RIOK3: variants seen among roughly 807,000 people sequenced by gnomAD.
RIOK3 encodes the protein RIO kinase 3.
A neutral mutation model predicts 63.5 loss-of-function variants in RIOK3; 40 were observed. That is an observed-to-expected ratio of 0.63 (90% confidence interval 0.49 to 0.82). The LOEUF (loss-of-function observed/expected upper bound fraction) is 0.82. RIOK3 is among the 40% of genes least tolerant of loss of function. The probability of loss-of-function intolerance (pLI) is 0.00; values close to 1 mark genes in which losing one functional copy is unlikely to be tolerated. For synonymous variants in RIOK3, 193 were observed against 205.0 expected, an observed-to-expected ratio of 0.94 and a Z score of 0.50; for missense variants, 557 against 637.0, an observed-to-expected ratio of 0.87 and a Z score of 1.35.
intron 12 of RIOK3, among the ~76,000 whole-genome samples, chr18:23,480,454 A>T (rs1265825531): frequency 6.6e-6 from 1 of 152,118 alleles, no homozygotes; most frequent in African/African-American, 2.4e-5. Context: ...AACATAGATG[A>T]TTCCAATTGC....
At chr18:23,469,281 A>C (rs2057431352) in intron 7 of RIOK3, among the ~76,000 whole-genome samples, 3 of 126,194 alleles carry the variant, frequency 2.4e-5, no homozygotes, top group Non-Finnish European at 3.3e-5. Flanking sequence ...GCTTTCCACA[A>C]AGCTCTGGTT....
At chr18:23,480,261 C>T (rs745896611) in intron 12 of RIOK3, among the ~76,000 whole-genome samples, 1 of 152,114 alleles carries the variant, frequency 6.6e-6, no homozygotes, top group Non-Finnish European at 1.5e-5. Context: ...CCAGAAATCC[C>T]CAGGATGACT....
chr18:23,479,333 G>A lies in RIOK3; in HGVS notation c.1361G>A (p.Gly454Glu). 6.2e-7 allele frequency: 1 copy of A among 1,610,356 alleles called. No individual in the cohort carries two copies. The highest frequency in any genetic ancestry group is 8.5e-7 in the Non-Finnish European group (1 of 1,176,708). ...CCTTACTAGTTTTTCCAGAAAGGAGGAGTCAAGGAAGCCCTTAGTGAACGA... is the reference window on the plus strand; with the variant it reads ...CCTTACTAGTTTTTCCAGAAAGGAGAAGTCAAGGAAGCCCTTAGTGAACGA... ...RNVSQFFQKG[G>E]VKEALSEREL... Residue 454 changes from glycine to glutamate, a missense_variant, in exon 12 of 13, where the codon GGA becomes GAA. Coordinates refer to ENST00000339486, the MANE Select transcript of RIOK3 (RefSeq NM_003831.5).
Position 23,466,132 on chromosome 18 carries a change from G to A in RIOK3, c.544-1G>A. On this transcript the variant is annotated splice_acceptor_variant, in intron 5 of 12. Coordinates refer to ENST00000339486, the MANE Select transcript of RIOK3 (RefSeq NM_003831.5). LOFTEE classifies it high-confidence loss of function. Reference sequence around the variant, plus strand: ...TAGATGCTAATTCTTCCTTTTGGCAGTTTGCACCTGAGTTTCAGGTAGGAG... The same window carrying A: ...TAGATGCTAATTCTTCCTTTTGGCAATTTGCACCTGAGTTTCAGGTAGGAG... The A allele has an allele frequency of 6.3e-7, 1 of 1,584,384 alleles. No individual in the cohort carries two copies. Among genetic ancestry groups the A allele is most frequent in the African/African-American group, 1.4e-5 (1 of 73,324 alleles).
chr18:23,475,715 A>G (rs2057485946), intron 9 of RIOK3, among the ~76,000 whole-genome samples: 1 of 152,156 alleles, frequency 6.6e-6, no homozygotes, highest in Admixed American at 6.5e-5. Flanking sequence ...AAGTTTGTGA[A>G]AGAATGTTAA....
At chr18:23,465,818 C>T (rs1212079932) in intron 5 of RIOK3, among the ~76,000 whole-genome samples, 2 of 152,154 alleles carry the variant, frequency 1.3e-5, no homozygotes, top group African/African-American at 4.8e-5. Flanking sequence ...TTGGTGTAGC[C>T]TTCACAGTTC....
chr18:23,453,582 G>C, intron 1 of RIOK3, 80 bp downstream of exon 1: 3 of 1,265,578 alleles, frequency 2.4e-6, no homozygotes, highest in Admixed American at 1.7e-5. Flanking sequence ...GGGCGGCTTC[G>C]TGGGCGATTC....
At chr18:23,458,132 T>C (rs1329156886) in intron 1 of RIOK3, among the ~76,000 whole-genome samples, 2 of 151,254 alleles carry the variant, frequency 1.3e-5, no homozygotes, top group African/African-American at 4.9e-5. Context: ...GTCGAACTCC[T>C]GAGCTCAAGC....
chr18:23,465,129 T>TG (rs2057397975), intron 5 of RIOK3, among the ~76,000 whole-genome samples: 1 of 152,170 alleles, frequency 6.6e-6, no homozygotes, highest in South Asian at 2.1e-4. Context: ...CCCAGTATTT[T>TG]GGGATGCCGA....
rs1421899848 is a variant in RIOK3 at position 23,482,937 on chromosome 18, A to C, written c.*1658A>C. ...CATTTTTGAAAGGTTTATGATTCCA[A>C]AATAAAGATTTATATGACTGGTGAT... On this transcript the variant is annotated 3_prime_UTR_variant, in exon 13 of 13. Coordinates refer to ENST00000339486, the MANE Select transcript of RIOK3 (RefSeq NM_003831.5). 6.6e-6 allele frequency: 1 copy of C among 152,102 alleles called. No homozygotes were observed. Among genetic ancestry groups the C allele is most frequent in the Non-Finnish European group, 1.5e-5 (1 of 68,040 alleles). The allele number at this position is 152,102 out of a possible 1,614,324, so 9.4% of individuals were successfully genotyped here. A position where few individuals can be genotyped will look rare whatever the true frequency, so the allele number is the denominator to read the frequency against.
intron 9 of RIOK3, 87 bp from the exon 10 acceptor site, chr18:23,476,919 A>T (rs756795265): frequency 6.4e-5 from 73 of 1,139,016 alleles, no homozygotes; most frequent in Non-Finnish European, 9.0e-5. Flanking sequence ...CTCCAAAAAA[A>T]TAAAAAATAA....
At chr18:23,475,189 G>A in intron 9 of RIOK3, 82 bp downstream of exon 9, 1 of 1,151,750 alleles carries the variant, frequency 8.7e-7, no homozygotes, top group Non-Finnish European at 1.2e-6. Context: ...CCTTAAAGAA[G>A]CCAGGCATGT....
chr18:23,475,331 C>G (rs372592759), intron 9 of RIOK3, among the ~76,000 whole-genome samples: 1 of 151,460 alleles, frequency 6.6e-6, no homozygotes, highest in African/African-American at 2.4e-5. Flanking sequence ...ATTAGCTGGG[C>G]GTGTGCCTGT....
chr18:23,470,983 C>T (rs541590142), intron 7 of RIOK3, among the ~76,000 whole-genome samples: 1 of 152,250 alleles, frequency 6.6e-6, no homozygotes, highest in South Asian at 2.1e-4. Context: ...GAGATTTCTT[C>T]CCTGAAAATT....
At chr18:23,454,639 CAG>C in intron 1 of RIOK3, among the ~76,000 whole-genome samples, 1 of 152,326 alleles carries the variant, frequency 6.6e-6, no homozygotes, top group Non-Finnish European at 1.5e-5. Context: ...TCAAATGAGA[CAG>C]ACTCTATTCA....
At chr18:23,471,380 C>G (rs1200701933) in intron 7 of RIOK3, among the ~76,000 whole-genome samples, 1 of 152,156 alleles carries the variant, frequency 6.6e-6, no homozygotes, top group African/African-American at 2.4e-5. Flanking sequence ...GCGTAAGAAA[C>G]CCAGTCTCCC....
At position 23,466,373 on chromosome 18, in the gene RIOK3, T is replaced by G. The variant is rs915320879; in HGVS notation, c.687+97T>G. ...AAAAAAACTTCATGTTTGATATTTT[T>G]TCATGAGATTGGCTTTTTAAATCAA... On this transcript the variant is annotated intron_variant, in intron 6 of 12. Coordinates refer to ENST00000339486, the MANE Select transcript of RIOK3 (RefSeq NM_003831.5). The G allele has an allele frequency of 6.0e-6, 6 of 992,620 alleles. No individual in the cohort carries two copies. The African/African-American group carries it at 1.0e-4, about 17-fold the overall frequency. The allele number at this position is 992,620 out of a possible 1,614,324, so 61.5% of individuals were successfully genotyped here.
intron 5 of RIOK3, 121 bp from the exon 6 acceptor site, chr18:23,466,012 C>T (rs2057404280): frequency 1.6e-6 from 1 of 619,412 alleles, no homozygotes; most frequent in South Asian, 3.9e-5. Flanking sequence ...GCTATGATTT[C>T]TGGTTTTCTA....
At chr18:23,478,584 C>T (rs959196732) in intron 11 of RIOK3, among the ~76,000 whole-genome samples, 1 of 109,408 alleles carries the variant, frequency 9.1e-6, no homozygotes, top group African/African-American at 3.6e-5. Flanking sequence ...AGTGCTAGGC[C>T]CTGTCTCTTA....
Sources: allele counts gnomAD v4.1 joint callset (sites outside exome capture counted in the v4.1 genomes callset), GRCh38; gene constraint gnomAD v4.1.1; transcripts MANE v1.5; gene names NCBI Gene and HGNC (gene_info 2026-07-23, HGNC 2026-07-21).